NBAS: variants seen among roughly 807,000 people sequenced by gnomAD.
NBAS encodes the protein NAG/BC035112 fusion.
NBAS carries 219 observed loss-of-function variants against 302.5 expected under a neutral mutation model. The observed-to-expected ratio is 0.72, with a 90% CI of 0.65 to 0.81. The LOEUF (loss-of-function observed/expected upper bound fraction) is 0.81, where lower values mean the gene tolerates loss of function less well. Among genes scored for constraint, NBAS ranks in the 30% least tolerant of loss-of-function variants. NBAS has a pLI of 0.00. For missense variants in NBAS, 2,932 were observed against 2,841.6 expected (o/e 1.03, Z -0.72); for synonymous variants, 1,118 against 1,021.6 (o/e 1.09, Z -1.80).
chr2:15,483,200 T>C (rs74979997), intron 12 of NBAS: 2,180 of 164,940 alleles, frequency 0.013, 38 homozygotes, highest in East Asian at 0.059. Flanking sequence ...TTATTTATTA[T>C]GTTAAGCCTA....
At chr2:15,517,909 T>C (rs906665594) in intron 9 of NBAS, among the ~76,000 whole-genome samples, 1 of 152,140 alleles carries the variant, frequency 6.6e-6, no homozygotes, top group Non-Finnish European at 1.5e-5. Flanking sequence ...AAGATCAAAA[T>C]GCTAAGTACA....
At chr2:14,911,776 A>G in the NBAS span, among the ~76,000 whole-genome samples, 2 of 152,246 alleles carry the variant, frequency 1.3e-5, no homozygotes, top group Non-Finnish European at 2.9e-5. Flanking sequence ...CCAGCTGTGT[A>G]GCATCCTACC....
At chr2:15,359,833 TAC>T (rs1358034448) in intron 32 of NBAS, among the ~76,000 whole-genome samples, 1 of 152,126 alleles carries the variant, frequency 6.6e-6, no homozygotes, top group Non-Finnish European at 1.5e-5. Flanking sequence ...CTCAAAAAAA[TAC>T]AGTCATGAGT....
chr2:15,495,337 A>C (rs1411268722), intron 11 of NBAS, among the ~76,000 whole-genome samples: 1 of 152,228 alleles, frequency 6.6e-6, no homozygotes, highest in Non-Finnish European at 1.5e-5. Context: ...AAAAATCTGC[A>C]TGATCTTTAA....
intron 35 of NBAS, among the ~76,000 whole-genome samples, chr2:15,346,077 C>T (rs1019328736): frequency 1.3e-5 from 2 of 152,058 alleles, no homozygotes; most frequent in Non-Finnish European, 2.9e-5. Context: ...TAGGCAATAC[C>T]ATTCAGGACA....
chr2:15,147,464 A>G, the NBAS span, among the ~76,000 whole-genome samples: 20 of 152,136 alleles, frequency 1.3e-4, no homozygotes, highest in East Asian at 1.9e-4. Context: ...GTGCTGGCGC[A>G]TGCCTGTAAT....
At chr2:15,550,664 G>A (rs545155235) in intron 6 of NBAS, among the ~76,000 whole-genome samples, 250 of 149,278 alleles carry the variant, frequency 1.7e-3, no homozygotes, top group African/African-American at 5.9e-3. Flanking sequence ...TCGGCTCACT[G>A]TAAACTCCAT....
the NBAS span, among the ~76,000 whole-genome samples, chr2:14,973,145 G>T: frequency 6.6e-6 from 1 of 152,194 alleles, no homozygotes; most frequent in African/African-American, 2.4e-5. Context: ...ATGCACCTCA[G>T]CCCTGATGGG....
intron 28 of NBAS, among the ~76,000 whole-genome samples, chr2:15,386,750 T>C (rs1675317819): frequency 6.6e-6 from 1 of 152,244 alleles, no homozygotes; most frequent in Non-Finnish European, 1.5e-5. Flanking sequence ...AGTTTCTTTA[T>C]TGACCATTTG....
chr2:15,218,888 CG>C lies in NBAS; in HGVS notation c.6316del (p.Arg2106AlafsTer14), dbSNP rs1064795471. The stretch of plus-strand genomic sequence containing the variant: ...CCCCAAAATCTGCAGCACGTGAATG[CG>C]GGGCCGCACCGGCCAGGCGTCATCA... The part of the protein sequence containing the change: ...CADDAWPVRP[R>X]IHVLQILGQS... On this transcript the variant is annotated frameshift_variant, in exon 48 of 52. Transcript: ENST00000281513. LOFTEE classifies it high-confidence loss of function. 2 of 1,614,250 alleles carry C rather than the reference CG, an allele frequency of 1.2e-6. No homozygotes were observed. Among genetic ancestry groups the C allele is most frequent in the South Asian group, 2.2e-5 (2 of 91,090 alleles).
the NBAS span, among the ~76,000 whole-genome samples, chr2:14,929,798 A>T: frequency 6.6e-6 from 1 of 152,312 alleles, no homozygotes; most frequent in South Asian, 2.1e-4. Context: ...GAGCTCAGTA[A>T]CACCAGTCAT....
intron 44 of NBAS, among the ~76,000 whole-genome samples, chr2:15,256,234 C>A (rs911264367): frequency 6.6e-6 from 1 of 152,004 alleles, no homozygotes; most frequent in African/African-American, 2.4e-5. Context: ...TTCTTTCAGC[C>A]GTGTGTTGTA....
chr2:15,048,870 G>A, the NBAS span, among the ~76,000 whole-genome samples: 4 of 152,190 alleles, frequency 2.6e-5, no homozygotes, highest in Admixed American at 6.5e-5. Flanking sequence ...CGCTGTCTAG[G>A]CCAATCACTG....
rs112060614 is a variant in NBAS, at chr2:15,482,280, G to A, written c.1084-3991C>T. On this transcript the variant is annotated intron_variant, in intron 12 of 51. Coordinates refer to ENST00000281513, the MANE Select transcript of NBAS (RefSeq NM_015909.4). ...CGAGTAGCTGGGAATATGGGCACAC[G>A]CCACTTTTTTATTTTTTGTAGAGAT... 2.6e-4 allele frequency among the ~76,000 whole-genome samples: 40 copies of A among 151,962 alleles called. 1 individual carries two copies. The South Asian group carries it at 7.5e-3, about 28-fold the overall frequency.
intron 48 of NBAS, among the ~76,000 whole-genome samples, chr2:15,213,211 C>G (rs370551751): frequency 6.6e-6 from 1 of 152,198 alleles, no homozygotes; most frequent in Admixed American, 6.5e-5. Context: ...TATCAATTGC[C>G]TTGTCTATTT....
intron 21 of NBAS, among the ~76,000 whole-genome samples, chr2:15,440,183 T>C (rs1322758301): frequency 6.6e-6 from 1 of 152,208 alleles, no homozygotes. Flanking sequence ...ACTGGAGATC[T>C]GAGAACGGGC....
the NBAS span, among the ~76,000 whole-genome samples, chr2:15,121,426 A>G: frequency 0.97 from 147,750 of 152,172 alleles, 71,765 homozygotes; most frequent in East Asian, 1. Context: ...TGGCTCTCAT[A>G]ATGGGTAGCA....
chr2:15,504,185 A>T lies in NBAS; in HGVS notation c.914T>A (p.Met305Lys), dbSNP rs1054518207. ...AVPKTLGLLR[M>K]LSVKFYSRQG... ...GCGACTGTAAAACTTGACACTTAAC[A>T]TCCTTAATAATCCCAGTGTCTTCGG... is the stretch of plus-strand genomic sequence containing the variant. Residue 305 changes from methionine to lysine, a missense_variant, in exon 11 of 52, where the codon ATG becomes AAG. Met to Lys is a moderately conservative substitution (Grantham distance 95). Transcript: ENST00000281513. 6.2e-7 allele frequency: 1 copy of T among 1,613,430 alleles called. No homozygotes were observed. The highest frequency in any genetic ancestry group is 2.2e-5 in the East Asian group (1 of 44,836).
intron 44 of NBAS, among the ~76,000 whole-genome samples, chr2:15,262,668 C>G (rs932486236): frequency 7.9e-5 from 12 of 152,162 alleles, no homozygotes; most frequent in African/African-American, 2.7e-4. Flanking sequence ...ACACTGAGAG[C>G]CTACAACATT....
Sources: gnomAD v4.1 joint callset for allele counts (sites outside exome capture counted in the v4.1 genomes callset) on GRCh38, gnomAD v4.1.1 for gene constraint, MANE v1.5 for transcripts, NCBI Gene and HGNC (gene_info 2026-07-23, HGNC 2026-07-21) for gene names.